PPP4R1: variants seen among roughly 807,000 people sequenced by gnomAD.
PPP4R1 encodes serine/threonine-protein phosphatase 4 regulatory subunit 1.
In PPP4R1, 42 loss-of-function variants were observed where a neutral mutation model predicts 111.2. The observed-to-expected ratio is 0.38, with a 90% CI of 0.29 to 0.49. The LOEUF is 0.49. Ranked by LOEUF, PPP4R1 falls within the 20% of genes least tolerant of loss-of-function variation. PPP4R1 has a pLI of 0.97. For missense variants in PPP4R1, 1,012 were observed against 1,161.6 expected (o/e 0.87, Z 1.87); for synonymous variants, 409 against 405.5 (o/e 1.01, Z -0.10).
intron 15 of PPP4R1, among the ~76,000 whole-genome samples, chr18:9,554,603 A>C (rs941226118): frequency 2.6e-5 from 4 of 151,934 alleles, no homozygotes; most frequent in African/African-American, 9.7e-5. Flanking sequence ...GCTACTATCT[A>C]CACCTCCTAG....
chr18:9,561,672 A>T (rs980094252), intron 13 of PPP4R1, among the ~76,000 whole-genome samples: 4 of 152,238 alleles, frequency 2.6e-5, no homozygotes, highest in Admixed American at 2.6e-4. Context: ...GGATGACCAC[A>T]GCTGTCTTCA....
intron 2 of PPP4R1, among the ~76,000 whole-genome samples, chr18:9,606,004 G>T (rs990424137): frequency 6.6e-6 from 1 of 152,198 alleles, no homozygotes; most frequent in Non-Finnish European, 1.5e-5. Context: ...TTCAGGTGAA[G>T]AGTTGGGAAT....
At chr18:9,555,926 G>A (rs1598891831) in intron 15 of PPP4R1, among the ~76,000 whole-genome samples, 2 of 151,946 alleles carry the variant, frequency 1.3e-5, no homozygotes, top group African/African-American at 4.8e-5. Context: ...CACAAGATCA[G>A]GAGATCAAGA....
At chr18:9,581,839 G>T (rs2067034365) in intron 9 of PPP4R1, among the ~76,000 whole-genome samples, 1 of 152,058 alleles carries the variant, frequency 6.6e-6, no homozygotes, top group African/African-American at 2.4e-5. Flanking sequence ...AGCGAAAAAT[G>T]ACACATCACT....
intron 9 of PPP4R1, among the ~76,000 whole-genome samples, chr18:9,578,225 T>C (rs956482342): frequency 6.6e-6 from 1 of 152,170 alleles, no homozygotes; most frequent in Non-Finnish European, 1.5e-5. Flanking sequence ...CACACCAATT[T>C]CCCTGAAGTT....
rs192878187 is a variant in PPP4R1 at position 9,555,164 on chromosome 18, G to A, written c.2191-1742C>T. The stretch of plus-strand genomic sequence containing the variant: ...CAAAAAATACAAAACTCAGTTGGGC[G>A]TGGTGGTGCGCCTGTGGCCCCAGCT... On this transcript the variant is annotated intron_variant, in intron 15 of 19. Transcript: ENST00000400556. Among the ~76,000 whole-genome samples the A allele has an allele frequency of 7.1e-4, 108 of 152,182 alleles. 1 individual carries two copies. The highest frequency in any genetic ancestry group is 2.4e-3 in the African/African-American group (101 of 41,532).
At chr18:9,561,262 A>T (rs1046218547) in intron 13 of PPP4R1, among the ~76,000 whole-genome samples, 17 of 144,358 alleles carry the variant, frequency 1.2e-4, no homozygotes, top group Non-Finnish European at 2.3e-4. Context: ...TAATAATAAT[A>T]AAGTCATAGA....
At chr18:9,588,931 G>A in intron 4 of PPP4R1, 78 bp from the exon 5 acceptor site, 1 of 1,507,068 alleles carries the variant, frequency 6.6e-7, no homozygotes, top group Middle Eastern at 1.8e-4. Flanking sequence ...AGGGTACTTA[G>A]GAAGGCTATG....
intron 18 of PPP4R1, 61 bp from the exon 19 acceptor site, chr18:9,549,399 T>G (rs985182729): frequency 5.8e-6 from 9 of 1,544,772 alleles, no homozygotes; most frequent in Non-Finnish European, 6.2e-6. Context: ...ACTCGACTAC[T>G]GGCTAACAAA....
At position 9,584,775 on chromosome 18, in the gene PPP4R1, G is replaced by A. The variant is rs2067088912; in HGVS notation, c.639C>T (p.Ile213=). 1 of 1,613,742 alleles carries A rather than the reference G, an allele frequency of 6.2e-7. No homozygotes were observed. Among genetic ancestry groups the A allele is most frequent in the Non-Finnish European group, 8.5e-7 (1 of 1,179,772 alleles). The change falls in exon 7 of 20, where the codon ATC becomes ATT. Residue 213 remains isoleucine (I), a synonymous_variant. Coordinates refer to ENST00000400556, the MANE Select transcript of PPP4R1 (RefSeq NM_001042388.3). ...AGCACATCTCACAAAACCTAGGGAG[G>A]ATAAGACGCTCTGTAATATCCTTCC... is the stretch of plus-strand genomic sequence containing the variant. ...MVGKDITERL[I]LPRFCEMCCD... is the part of the protein sequence containing the mutation.
chr18:9,590,097 A>G (rs2067186366), intron 4 of PPP4R1: 1 of 152,200 alleles, frequency 6.6e-6, no homozygotes, highest in African/African-American at 2.4e-5. Context: ...ATACAGACAG[A>G]CATGATGGAT....
chr18:9,593,126 A>G (rs1269986506), intron 4 of PPP4R1, among the ~76,000 whole-genome samples: 1 of 152,174 alleles, frequency 6.6e-6, no homozygotes, highest in African/African-American at 2.4e-5. Context: ...AAGATAATAG[A>G]TTTAAGGGAA....
chr18:9,600,476 C>A (rs893755548), intron 2 of PPP4R1, among the ~76,000 whole-genome samples: 5 of 151,916 alleles, frequency 3.3e-5, no homozygotes, highest in Admixed American at 3.3e-4. Context: ...ATCAGACTAT[C>A]AGAAATATAG....
At chr18:9,604,040 T>A (rs2067437432) in intron 2 of PPP4R1, among the ~76,000 whole-genome samples, 1 of 152,202 alleles carries the variant, frequency 6.6e-6, no homozygotes, top group African/African-American at 2.4e-5. Context: ...TGCTATAGTA[T>A]TTAGTCCATT....
intron 10 of PPP4R1, among the ~76,000 whole-genome samples, chr18:9,571,825 A>T (rs1368428322): frequency 6.6e-6 from 1 of 152,270 alleles, no homozygotes; most frequent in East Asian, 1.9e-4. Flanking sequence ...ACTGTATTCC[A>T]GACCAGCAGA....
At chr18:9,588,340 C>T in intron 5 of PPP4R1, 105 bp from the exon 6 acceptor site, 2 of 1,198,090 alleles carry the variant, frequency 1.7e-6, no homozygotes, top group Non-Finnish European at 2.3e-6. Flanking sequence ...GGACCCATAA[C>T]TGGCAAAACT....
chr18:9,593,549 T>C (rs1039930992), intron 4 of PPP4R1, among the ~76,000 whole-genome samples: 4 of 152,220 alleles, frequency 2.6e-5, no homozygotes, highest in Non-Finnish European at 5.9e-5. Context: ...TTTGTTTTGA[T>C]GAGAAATTTC....
At chr18:9,557,028 T>C (rs2066598951) in intron 15 of PPP4R1, 193 bp downstream of exon 15, 3 of 485,850 alleles carry the variant, frequency 6.2e-6, no homozygotes, top group Non-Finnish European at 1.1e-5. Flanking sequence ...TAAACTATCA[T>C]CTAATACTGT....
At chr18:9,557,844 C>T (rs553298511) in intron 14 of PPP4R1, among the ~76,000 whole-genome samples, 2 of 152,294 alleles carry the variant, frequency 1.3e-5, no homozygotes, top group East Asian at 3.9e-4. Context: ...CTAGAACATG[C>T]CGACGTACTG....
Sources: gnomAD v4.1 joint callset for allele counts (sites outside exome capture counted in the v4.1 genomes callset) on GRCh38, gnomAD v4.1.1 for gene constraint, MANE v1.5 for transcripts, NCBI Gene and HGNC (gene_info 2026-07-23, HGNC 2026-07-21) for gene names.